SCIN: variants seen among roughly 807,000 people sequenced by gnomAD.
SCIN encodes adseverin.
A neutral mutation model predicts 91.8 loss-of-function variants in SCIN; 91 were observed. The observed-to-expected ratio is 0.99, with a 90% CI of 0.84 to 1.18. The LOEUF is 1.18. Among genes scored for constraint, SCIN ranks in the 50% most tolerant of loss-of-function variants. SCIN has a pLI of 0.00. For missense variants in SCIN, 1,087 were observed against 863.9 expected (o/e 1.26, Z -3.24); for synonymous variants, 367 against 312.6 (o/e 1.17, Z -1.84).
intron 3 of SCIN, chr7:12,595,469 T>TG: frequency 1.2e-5 from 1 of 83,768 alleles, no homozygotes; most frequent in Non-Finnish European, 2.3e-5. Context: ...TCTGTTGCAT[T>TG]GGGGTGGGGG....
At chr7:12,634,692 G>T (rs757765163) in intron 9 of SCIN, among the ~76,000 whole-genome samples, 13 of 152,170 alleles carry the variant, frequency 8.5e-5, no homozygotes, top group Admixed American at 2.6e-4. Flanking sequence ...CCATGTTTGG[G>T]GCTTTGTTTT....
intron 9 of SCIN, among the ~76,000 whole-genome samples, chr7:12,633,316 C>T (rs951239357): frequency 1.3e-5 from 2 of 152,144 alleles, no homozygotes; most frequent in African/African-American, 4.8e-5. Flanking sequence ...TAGTAACTCC[C>T]ATTTTTACAC....
chr7:12,649,306 A>G (rs988723732), intron 13 of SCIN, among the ~76,000 whole-genome samples, 161 bp from the exon 14 acceptor site: 3 of 152,230 alleles, frequency 2.0e-5, no homozygotes, highest in African/African-American at 7.2e-5. Context: ...TGCCAAATCA[A>G]TGAACAATTA....
At position 12,581,192 on chromosome 7, in the gene SCIN, G is replaced by C. The variant is rs779688539; in HGVS notation, c.487G>C (p.Gly163Arg). Reference sequence around the variant, plus strand: ...CCTTAGCTGGGACAGTTTCAACAAGGGTGACTGCTTCATCATTGACCTTGG... The same window carrying C: ...CCTTAGCTGGGACAGTTTCAACAAGCGTGACTGCTTCATCATTGACCTTGG... ...VPLSWDSFNK[G>R]DCFIIDLGTE... The change falls in exon 3 of 16, where the codon GGT (glycine) becomes CGT (arginine). Residue 163 changes from glycine to arginine, a missense_variant. Coordinates refer to ENST00000297029, the MANE Select transcript of SCIN (RefSeq NM_001112706.3). 2 of 1,551,392 alleles carry C rather than the reference G, an allele frequency of 1.3e-6. No individual in the cohort carries two copies. Among genetic ancestry groups the C allele is most frequent in the Non-Finnish European group, 1.7e-6 (2 of 1,146,782 alleles).
intron 8 of SCIN, 137 bp from the exon 9 acceptor site, chr7:12,628,964 T>C: frequency 1.3e-6 from 1 of 746,474 alleles, no homozygotes; most frequent in Non-Finnish European, 2.1e-6. Context: ...ATTTCTTTGC[T>C]TGATTTGTAA....
intron 5 of SCIN, 106 bp from the exon 6 acceptor site, chr7:12,624,904 T>C (rs1340311115): frequency 4.4e-6 from 5 of 1,134,890 alleles, no homozygotes; most frequent in Non-Finnish European, 4.9e-6. Context: ...TCAATGCTTT[T>C]TATTTGATGA....
chr7:12,583,694 A>G (rs1782532438), intron 3 of SCIN, among the ~76,000 whole-genome samples: 1 of 152,078 alleles, frequency 6.6e-6, no homozygotes, highest in Non-Finnish European at 1.5e-5. Flanking sequence ...TGGGCCAGGT[A>G]GTTGGGTGTG....
At chr7:12,596,511 C>G in intron 3 of SCIN, 1 of 452,378 alleles carries the variant, frequency 2.2e-6, no homozygotes, top group Middle Eastern at 4.1e-4. Context: ...ATTGCTGAAC[C>G]ATCAACTGAC....
intron 1 of SCIN, 177 bp downstream of exon 1, chr7:12,571,162 C>T (rs1420555589): frequency 1.5e-6 from 1 of 666,822 alleles, no homozygotes; most frequent in Non-Finnish European, 2.5e-6. Context: ...GTCAACTCGC[C>T]GGCTGCAAAC....
rs1784183630 is a variant in SCIN, at chr7:12,657,536, GTGTATATATATATATATA to G, written c.*4823_*4840del. 2.1e-5 allele frequency: 1 copy of G among 47,310 alleles called. No individual in the cohort carries two copies. Among genetic ancestry groups the G allele is most frequent in the Admixed American group, 4.2e-4 (1 of 2,376 alleles). 2.9% of individuals were successfully genotyped at this position (47,310 alleles called of 1,614,324 possible). Reference sequence around the variant, plus strand: ...GAATTTTTAAGTTTTATATATGTGTGTGTATATATATATATATATATATATATATATATATATTTTTTT... The same window carrying G: ...GAATTTTTAAGTTTTATATATGTGTGTATATATATATATATATATTTTTTT... On this transcript the variant is annotated 3_prime_UTR_variant, in exon 16 of 16. Coordinates refer to ENST00000297029, the MANE Select transcript of SCIN (RefSeq NM_001112706.3).
intron 10 of SCIN, among the ~76,000 whole-genome samples, chr7:12,639,706 G>A (rs377313798): frequency 6.6e-6 from 1 of 150,768 alleles, no homozygotes; most frequent in Non-Finnish European, 1.5e-5. Flanking sequence ...TTCTTATATT[G>A]AGCATATCTA....
At chr7:12,620,726 G>C (rs1369969817) in intron 4 of SCIN, among the ~76,000 whole-genome samples, 2 of 152,064 alleles carry the variant, frequency 1.3e-5, no homozygotes, top group African/African-American at 4.8e-5. Flanking sequence ...CATATAAAGA[G>C]GAGAGAATAG....
intron 10 of SCIN, among the ~76,000 whole-genome samples, chr7:12,639,491 A>G (rs1002417994): frequency 4.6e-5 from 7 of 152,228 alleles, no homozygotes; most frequent in African/African-American, 1.2e-4. Context: ...AGACAGTTCA[A>G]TTTTAGCACA....
intron 3 of SCIN, among the ~76,000 whole-genome samples, chr7:12,593,194 G>T (rs553085388): frequency 1.3e-3 from 205 of 152,348 alleles, no homozygotes; most frequent in Non-Finnish European, 2.2e-3. Context: ...CAAGGCCCAG[G>T]AGGTTTGCTG....
intron 8 of SCIN, among the ~76,000 whole-genome samples, chr7:12,628,052 T>C (rs1402206878): frequency 6.6e-6 from 1 of 151,886 alleles, no homozygotes; most frequent in African/African-American, 2.4e-5. Context: ...TGTGTGTGTG[T>C]GTGTGTGTGT....
At chr7:12,594,638 A>G (rs1463909594) in intron 3 of SCIN, among the ~76,000 whole-genome samples, 3 of 152,056 alleles carry the variant, frequency 2.0e-5, no homozygotes. Context: ...GAGACACCCA[A>G]GGGGGGTGGT....
chr7:12,585,971 A>G (rs1782578715), intron 3 of SCIN, among the ~76,000 whole-genome samples: 1 of 152,176 alleles, frequency 6.6e-6, no homozygotes, highest in South Asian at 2.1e-4. Flanking sequence ...TTCTGCTTCC[A>G]CTGTCCAGTG....
intron 9 of SCIN, among the ~76,000 whole-genome samples, chr7:12,632,289 C>T (rs7787587): frequency 7.0e-4 from 107 of 151,986 alleles, no homozygotes; most frequent in African/African-American, 2.5e-3. Flanking sequence ...CACCACATGC[C>T]CTGCTAATTT....
At chr7:12,594,199 T>A (rs556458769) in intron 3 of SCIN, among the ~76,000 whole-genome samples, 1 of 150,712 alleles carries the variant, frequency 6.6e-6, no homozygotes, top group African/African-American at 2.4e-5. Context: ...GGGAGAGGGG[T>A]AGAGCCGGAG....
Sources: gnomAD v4.1 joint callset for allele counts (sites outside exome capture counted in the v4.1 genomes callset) on GRCh38, gnomAD v4.1.1 for gene constraint, MANE v1.5 for transcripts, NCBI Gene and HGNC (gene_info 2026-07-23, HGNC 2026-07-21) for gene names.